KDF1: variants seen among roughly 807,000 people sequenced by gnomAD.
KDF1 encodes RP11-344H11.3.
In KDF1, 11 loss-of-function variants were observed where a neutral mutation model predicts 31.6. That is an observed-to-expected ratio of 0.35 (90% confidence interval 0.22 to 0.58). The LOEUF is 0.58. KDF1 is among the 20% of genes least tolerant of loss of function. The pLI, the probability that KDF1 is intolerant of heterozygous loss-of-function variation, is 0.83. For missense variants in KDF1, 476 were observed against 549.1 expected, an observed-to-expected ratio of 0.87 and a Z score of 1.33; for synonymous variants, 205 against 214.4, an observed-to-expected ratio of 0.96 and a Z score of 0.38.
rs2082340417 is a variant in KDF1, at chr1:26,950,121, T to G, written c.1145A>C (p.Gln382Pro). 6.2e-7 allele frequency: 1 copy of G among 1,613,666 alleles called. No homozygotes were observed. Among genetic ancestry groups the G allele is most frequent in the Non-Finnish European group, 8.5e-7 (1 of 1,179,842 alleles). ...GYPASHDSSF[Q>P]GTDTDSSGAP... ...CCCCGACGAGTCTGTGTCGGTGCCC[T>G]GGAAGGATGAGTCATGGCTTGCTGG... The change falls in exon 4 of 4, where the codon CAG becomes CCG. Residue 382 changes from glutamine (Q) to proline (P), a missense_variant. This residue lies in a region of KDF1 where 146 missense variants were observed against 216.8 expected (regional missense o/e 0.67). Transcript: ENST00000320567. The surrounding 1 kb of genome is among the most constrained non-coding windows in gnomAD (Gnocchi z 4.0).
intron 1 of KDF1, among the ~76,000 whole-genome samples, chr1:26,958,692 A>G (rs1489370685): frequency 6.6e-6 from 1 of 152,204 alleles, no homozygotes; most frequent in African/African-American, 2.4e-5. Flanking sequence ...ACTCTTATCC[A>G]CTACCCCATC....
chr1:26,950,671 C>G lies in KDF1; in HGVS notation c.1114+11G>C. The stretch of plus-strand genomic sequence containing the variant: ...CCACCCTCCACACCCCTCATTAGGT[C>G]AAGACCACACCTGGAGCTCCATAAG... On this transcript the variant is annotated intron_variant, in intron 3 of 3. Transcript: ENST00000320567. This position sits in a 1 kb window ranked among gnomAD's most constrained non-coding sequence, Gnocchi z 4.0. 6.2e-7 allele frequency: 1 copy of G among 1,604,684 alleles called. No individual in the cohort carries two copies. The highest frequency in any genetic ancestry group is 8.5e-7 in the Non-Finnish European group (1 of 1,171,744).
Position 26,951,991 on chromosome 1 carries a change from C to T in KDF1, c.390G>A (p.Glu130=), listed in dbSNP as rs763108668. The change falls in exon 2 of 4, where the codon GAG becomes GAA. Residue 130 remains glutamate (E), a synonymous_variant. Coordinates refer to ENST00000320567, the MANE Select transcript of KDF1 (RefSeq NM_152365.3). This position sits in a 1 kb window ranked among gnomAD's most constrained non-coding sequence, Gnocchi z 5.4. ...CAGGGCTGGGGGGCACTCCATTGTG[C>T]TCCTTGGCCCAGTTGGCTTCAGCAG... ...EGTAEANWAK[E]HNGVPPSPDR... 1.9e-6 allele frequency: 3 copies of T among 1,611,638 alleles called. No homozygotes were observed. In the South Asian group the frequency reaches 3.3e-5, roughly 18 times the overall value.
chr1:26,952,443 G>T lies in KDF1; in HGVS notation c.-32-31C>A, dbSNP rs1433447051. ...TGGGGAGAGGCCAGGAAGGAGTCAG[G>T]ATCAGAGGTGAGGGACAAACTCCTG... On this transcript the variant is annotated intron_variant, in intron 1 of 3. Transcript: ENST00000320567. This position sits in a 1 kb window ranked among gnomAD's most constrained non-coding sequence, Gnocchi z 4.1. The T allele has an allele frequency of 2.0e-5, 28 of 1,419,322 alleles. No individual in the cohort carries two copies. Among genetic ancestry groups the T allele is most frequent in the Middle Eastern group, 5.1e-4 (2 of 3,910 alleles). The allele number at this position is 1,419,322 out of a possible 1,614,324, so 87.9% of individuals were successfully genotyped here. A position where few individuals can be genotyped will look rare whatever the true frequency, so the allele number is the denominator to read the frequency against.
At position 26,951,005 on chromosome 1, in the gene KDF1, CA is replaced by C. The variant is rs1439782176; in HGVS notation, c.1040-250del. On this transcript the variant is annotated intron_variant, in intron 2 of 3. Transcript: ENST00000320567. This position sits in a 1 kb window ranked among gnomAD's most constrained non-coding sequence, Gnocchi z 5.4. ...GGTCCCTAGGTCCTGTTCACCAGAC[CA>C]GGCCTAGAAGCTACTCTGGCAGGAG... Among the ~76,000 whole-genome samples, 6 of 152,170 alleles carry C rather than the reference CA, an allele frequency of 3.9e-5. No individual in the cohort carries two copies. The highest frequency in any genetic ancestry group is 7.3e-5 in the Non-Finnish European group (5 of 68,032).
intron 1 of KDF1, among the ~76,000 whole-genome samples, chr1:26,954,748 G>A (rs570896553): frequency 6.7e-6 from 1 of 148,392 alleles, no homozygotes; most frequent in Non-Finnish European, 1.5e-5. Flanking sequence ...CAGGAGAATC[G>A]CTTGAACTCA....
intron 1 of KDF1, among the ~76,000 whole-genome samples, chr1:26,953,877 C>T (rs2082363571): frequency 6.6e-6 from 1 of 151,616 alleles, no homozygotes; most frequent in Non-Finnish European, 1.5e-5. Context: ...ACCACTTGAG[C>T]CTTGGAGGTG....
At chr1:26,953,552 A>G (rs1483055414) in intron 1 of KDF1, among the ~76,000 whole-genome samples, 1 of 152,242 alleles carries the variant, frequency 6.6e-6, no homozygotes, top group Non-Finnish European at 1.5e-5. Context: ...TGTGGTATAT[A>G]CATACAATGG....
At chr1:26,958,070 C>T (rs373771894) in intron 1 of KDF1, among the ~76,000 whole-genome samples, 1 of 152,010 alleles carries the variant, frequency 6.6e-6, no homozygotes, top group East Asian at 1.9e-4. Flanking sequence ...CCTGCCTCAG[C>T]CTCCCAAAGT....
Position 26,951,716 on chromosome 1 carries a change from G to T in KDF1, c.665C>A (p.Ser222Ter). 1.9e-6 allele frequency: 3 copies of T among 1,613,902 alleles called. No homozygotes were observed. The highest frequency in any genetic ancestry group is 2.5e-6 in the Non-Finnish European group (3 of 1,180,018). The change falls in exon 2 of 4, where the codon TCG becomes TAG. Residue 222 changes from serine (S) to a stop codon, truncating the protein, a stop_gained. Transcript: ENST00000320567. LOFTEE classifies it high-confidence loss of function. The surrounding 1 kb of genome is among the most constrained non-coding windows in gnomAD (Gnocchi z 5.4). Reference protein sequence around the residue: ...GSEEYYSFHESDLDLPEMGSG... With the variant: ...GSEEYYSFHE ...GCCCATCTCCGGCAGGTCCAGGTCC[G>T]ACTCATGGAAAGAATAGTACTCCTC...
At position 26,950,374 on chromosome 1, in the gene KDF1, G is replaced by A. The variant is rs1570753478; in HGVS notation, c.1115-223C>T. Among the ~76,000 whole-genome samples the A allele has an allele frequency of 6.6e-6, 1 of 152,288 alleles. No homozygotes were observed. The highest frequency in any genetic ancestry group is 1.5e-5 in the Non-Finnish European group (1 of 68,022). ...CACTCCCAGGGGGTTGTTGTCAAGG[G>A]CAAGAAGACCGCAACAGAACCACAC... On this transcript the variant is annotated intron_variant, in intron 3 of 3. Transcript: ENST00000320567. This position sits in a 1 kb window ranked among gnomAD's most constrained non-coding sequence, Gnocchi z 4.0.
rs1384356287 is a variant in KDF1, at chr1:26,950,409, T to C, written c.1115-258A>G. On this transcript the variant is annotated intron_variant, in intron 3 of 3. Transcript: ENST00000320567. The surrounding 1 kb of genome is among the most constrained non-coding windows in gnomAD (Gnocchi z 4.0). Reference sequence around the variant, plus strand: ...CGCAACAGAACCACACGGGTGTCTTTCCAGCACCATGCTGGATGGCTCCCC... The same window carrying C: ...CGCAACAGAACCACACGGGTGTCTTCCCAGCACCATGCTGGATGGCTCCCC... 1.3e-5 allele frequency among the ~76,000 whole-genome samples: 2 copies of C among 152,220 alleles called. No individual in the cohort carries two copies. Among genetic ancestry groups the C allele is most frequent in the Non-Finnish European group, 2.9e-5 (2 of 68,028 alleles).
In KDF1 at chr1:26,951,315, C is replaced by T. The variant is rs1301584522; in HGVS notation, c.1039+27G>A. 6.6e-7 allele frequency: 1 copy of T among 1,515,412 alleles called. No individual in the cohort carries two copies. The highest frequency in any genetic ancestry group is 8.9e-7 in the Non-Finnish European group (1 of 1,125,618). 93.9% of individuals were successfully genotyped at this position (1,515,412 alleles called of 1,614,324 possible). ...TGGCCAGAGCCTCCCCTACTCTGCC[C>T]CTCAGCCCCATGGGGCCCCCACCTA... On this transcript the variant is annotated intron_variant, in intron 2 of 3. Coordinates refer to ENST00000320567, the MANE Select transcript of KDF1 (RefSeq NM_152365.3). This position sits in a 1 kb window ranked among gnomAD's most constrained non-coding sequence, Gnocchi z 5.4.
intron 1 of KDF1, among the ~76,000 whole-genome samples, chr1:26,953,891 G>A (rs1254617783): frequency 2.0e-5 from 3 of 151,662 alleles, no homozygotes; most frequent in African/African-American, 7.3e-5. Context: ...GGAGGTGGAG[G>A]TTGCAGTGAG....
In KDF1 at chr1:26,952,499, T is replaced by A. The variant is rs1234553723; in HGVS notation, c.-32-87A>T. Reference sequence around the variant, plus strand: ...ACTTGAGCAGCTTCACATTTCTAGTTTCTGAGAGGCCTGGGATGTGGATGG... The same window carrying A: ...ACTTGAGCAGCTTCACATTTCTAGTATCTGAGAGGCCTGGGATGTGGATGG... On this transcript the variant is annotated intron_variant, in intron 1 of 3. Transcript: ENST00000320567. This position sits in a 1 kb window ranked among gnomAD's most constrained non-coding sequence, Gnocchi z 4.1. The A allele has an allele frequency of 1.9e-6, 2 of 1,027,528 alleles. No homozygotes were observed. Among genetic ancestry groups the A allele is most frequent in the African/African-American group, 3.3e-5 (2 of 61,236 alleles). The allele number at this position is 1,027,528 out of a possible 1,614,324, so 63.7% of individuals were successfully genotyped here.
rs2082341701 is a variant in KDF1, at chr1:26,950,311, G to C, written c.1115-160C>G. ...ACCCACTCAGTTTATTGACCTCTCT[G>C]AGCCCTAGCCTCCCTTTCTGTAAAA... On this transcript the variant is annotated intron_variant, in intron 3 of 3. Transcript: ENST00000320567. This position sits in a 1 kb window ranked among gnomAD's most constrained non-coding sequence, Gnocchi z 4.0. Among the ~76,000 whole-genome samples the C allele has an allele frequency of 6.6e-6, 1 of 152,154 alleles. No homozygotes were observed. The highest frequency in any genetic ancestry group is 2.4e-5 in the African/African-American group (1 of 41,426).
In KDF1 at chr1:26,951,249, G is replaced by T; in HGVS notation, c.1039+93C>A. 2 of 1,269,844 alleles carry T rather than the reference G, an allele frequency of 1.6e-6. No homozygotes were observed. Among genetic ancestry groups the T allele is most frequent in the African/African-American group, 1.5e-5 (1 of 66,360 alleles). The allele number at this position is 1,269,844 out of a possible 1,614,324, so 78.7% of individuals were successfully genotyped here. ...AGGAAAGGCAGGGACTGGCTGAGGG[G>T]TAGACCCACAGTGACTAAAGACCCC... On this transcript the variant is annotated intron_variant, in intron 2 of 3. Coordinates refer to ENST00000320567, the MANE Select transcript of KDF1 (RefSeq NM_152365.3). This position sits in a 1 kb window ranked among gnomAD's most constrained non-coding sequence, Gnocchi z 5.4.
At position 26,954,545 on chromosome 1, in the gene KDF1, A is replaced by AAG. The variant is rs1425412264; in HGVS notation, c.-32-2134_-32-2133insCT. ...GGCCAAATGTGGTTTCTTTAAAAAA[A>AAG]GGTTAGGCCAGGCGCAGTGGCTAAT... is the stretch of plus-strand genomic sequence containing the variant. On this transcript the variant is annotated intron_variant, in intron 1 of 3. Transcript: ENST00000320567. Among the ~76,000 whole-genome samples the AAG allele has an allele frequency of 2.0e-5, 3 of 151,422 alleles. No homozygotes were observed. In the East Asian group the frequency reaches 6.2e-4, roughly 31 times the overall value.
intron 1 of KDF1, among the ~76,000 whole-genome samples, chr1:26,958,814 G>A (rs1021099053): frequency 1.3e-5 from 2 of 152,186 alleles, no homozygotes; most frequent in African/African-American, 2.4e-5. Context: ...CAAGCCTTCA[G>A]GAGAGTGGAC....
Sources: allele counts gnomAD v4.1 joint callset (sites outside exome capture counted in the v4.1 genomes callset), GRCh38; gene constraint gnomAD v4.1.1; regional missense constraint gnomAD v4.1.1; non-coding constraint Gnocchi (gnomAD v3.1); transcripts MANE v1.5; gene names NCBI Gene and HGNC (gene_info 2026-07-23, HGNC 2026-07-21).